Variants in CSMD1 observed in about 807,000 individuals in gnomAD.
CSMD1 encodes the protein CUB and sushi domain-containing protein 1.
A neutral mutation model predicts 417.5 loss-of-function variants in CSMD1; 213 were observed. The observed-to-expected ratio is 0.51, with a 90% CI of 0.46 to 0.57. CSMD1 has a LOEUF of 0.57. CSMD1 is among the 20% of genes least tolerant of loss of function. CSMD1 has a pLI of 0.00. For synonymous variants in CSMD1, 2,862 were observed against 1,736.8 expected (o/e 1.65, Z -16.11); for missense variants, 6,923 against 4,529.7 (o/e 1.53, Z -15.17).
intron 8 of CSMD1, among the ~76,000 whole-genome samples, chr8:3,590,467 G>T (rs760911676): frequency 6.6e-6 from 1 of 152,142 alleles, no homozygotes; most frequent in East Asian, 1.9e-4. Context: ...GACTAGTTCA[G>T]TGGAGAGCGG....
rs576105536 is a variant in CSMD1, at chr8:4,662,935, G to C, written c.86-25377C>G. ...AGAGAGAAAGAAAAAGGAAAGAAAG[G>C]CTAAAGAGGTTACTCTTAAGGAATG... On this transcript the variant is annotated intron_variant, in intron 1 of 69. Transcript: ENST00000635120. Among the ~76,000 whole-genome samples the C allele has an allele frequency of 1.9e-4, 29 of 152,314 alleles. No individual in the cohort carries two copies. The South Asian group carries it at 5.8e-3, about 30-fold the overall frequency.
At chr8:4,491,971 C>T (rs1452498704) in intron 2 of CSMD1, among the ~76,000 whole-genome samples, 1 of 148,006 alleles carries the variant, frequency 6.8e-6, no homozygotes, top group Non-Finnish European at 1.5e-5. Flanking sequence ...GTAACCAAGA[C>T]ATTCATTAAT....
intron 3 of CSMD1, among the ~76,000 whole-genome samples, chr8:4,100,477 T>C (rs527848198): frequency 2.0e-5 from 3 of 152,310 alleles, no homozygotes; most frequent in South Asian, 2.1e-4. Flanking sequence ...GCTTAACTTT[T>C]CTAAGCCTTA....
chr8:3,953,705 G>C (rs1056660210), intron 5 of CSMD1, among the ~76,000 whole-genome samples: 5 of 152,138 alleles, frequency 3.3e-5, no homozygotes, highest in Admixed American at 1.3e-4. Flanking sequence ...GGGGTGGATA[G>C]GCACGGGGAC....
At chr8:4,656,577 G>C (rs1436555513) in intron 1 of CSMD1, among the ~76,000 whole-genome samples, 2 of 151,592 alleles carry the variant, frequency 1.3e-5, no homozygotes, top group Admixed American at 6.6e-5. Context: ...TACGATTGTT[G>C]TGAATAGAAA....
intron 10 of CSMD1, among the ~76,000 whole-genome samples, chr8:3,556,715 A>T (rs1477881114): frequency 6.6e-6 from 1 of 151,966 alleles, no homozygotes; most frequent in Non-Finnish European, 1.5e-5. Flanking sequence ...AGTATGACTT[A>T]ACATTTAACT....
intron 2 of CSMD1, among the ~76,000 whole-genome samples, chr8:4,460,856 T>G (rs746500913): frequency 2.3e-4 from 35 of 152,170 alleles, no homozygotes; most frequent in Admixed American, 1.3e-4. Context: ...GAGAGTAGAA[T>G]TATTGTCAGT....
At chr8:4,070,023 T>C (rs1467929639) in intron 3 of CSMD1, among the ~76,000 whole-genome samples, 1 of 152,194 alleles carries the variant, frequency 6.6e-6, no homozygotes, top group Non-Finnish European at 1.5e-5. Context: ...TAAGAATTTT[T>C]TTTAATTAAC....
chr8:2,944,709 G>C (rs950549570), intron 68 of CSMD1, among the ~76,000 whole-genome samples: 29 of 151,938 alleles, frequency 1.9e-4, no homozygotes, highest in African/African-American at 7.0e-4. Context: ...AAAAAGTTTT[G>C]TCTGTATAGC....
intron 12 of CSMD1, among the ~76,000 whole-genome samples, chr8:3,449,050 G>T (rs562932142): frequency 1.3e-5 from 2 of 152,296 alleles, no homozygotes; most frequent in East Asian, 3.9e-4. Context: ...AAAGGAAATG[G>T]GAAAGGATCA....
At chr8:3,153,472 G>C (rs1819326128) in intron 39 of CSMD1, among the ~76,000 whole-genome samples, 1 of 152,166 alleles carries the variant, frequency 6.6e-6, no homozygotes, top group African/African-American at 2.4e-5. Flanking sequence ...CTCTCCTGGG[G>C]TGTGGATCAC....
chr8:3,270,118 T>G lies in CSMD1; in HGVS notation c.4153+14026A>C, dbSNP rs1272488690. ...AGGGCGAAGTACAGTGGCACTGTCT[T>G]GGCCCACTGCAACCTCTGCCTCCCG... On this transcript the variant is annotated intron_variant, in intron 26 of 69. Coordinates refer to ENST00000635120, the MANE Select transcript of CSMD1 (RefSeq NM_033225.6). Among the ~76,000 whole-genome samples the G allele has an allele frequency of 2.2e-5, 3 of 134,866 alleles. No homozygotes were observed. The East Asian group carries it at 6.7e-4, about 30-fold the overall frequency. The allele number at this position is 134,866 out of a possible 152,430, so 88.5% of individuals were successfully genotyped here.
intron 1 of CSMD1, among the ~76,000 whole-genome samples, chr8:4,658,857 G>A (rs927154829): frequency 1.3e-5 from 2 of 152,128 alleles, no homozygotes; most frequent in Non-Finnish European, 2.9e-5. Context: ...AACATGGTCT[G>A]GGGTTGGGAG....
chr8:3,062,931 C>A (rs560075203), intron 49 of CSMD1, among the ~76,000 whole-genome samples: 26 of 151,798 alleles, frequency 1.7e-4, no homozygotes, highest in Non-Finnish European at 2.8e-4. Context: ...GTCTTTTTTT[C>A]GGAATATAAA....
chr8:3,596,818 A>C (rs144568738), intron 8 of CSMD1, among the ~76,000 whole-genome samples: 1 of 152,158 alleles, frequency 6.6e-6, no homozygotes, highest in African/African-American at 2.4e-5. Flanking sequence ...GCATACCAGT[A>C]ATCACATGAG....
In CSMD1 at chr8:2,938,571, TG is replaced by T; in HGVS notation, c.*13del. Reference sequence around the variant, plus strand: ...AGGTATGGCTATGAATCAGTCCTGTTGGGGCACTGAGGGCTATACCACTGTA... The same window carrying T: ...AGGTATGGCTATGAATCAGTCCTGTTGGGCACTGAGGGCTATACCACTGTA... On this transcript the variant is annotated 3_prime_UTR_variant, in exon 70 of 70. Transcript: ENST00000635120. The T allele has an allele frequency of 6.2e-7, 1 of 1,607,858 alleles. No homozygotes were observed. Among genetic ancestry groups the T allele is most frequent in the East Asian group, 2.2e-5 (1 of 44,746 alleles).
At chr8:3,781,292 A>G (rs1346465351) in intron 5 of CSMD1, among the ~76,000 whole-genome samples, 3 of 152,176 alleles carry the variant, frequency 2.0e-5, no homozygotes, top group African/African-American at 7.2e-5. Flanking sequence ...ATATGGTATG[A>G]ATATACAATA....
chr8:4,940,073 G>T (rs79850568), intron 1 of CSMD1, among the ~76,000 whole-genome samples: 35,589 of 151,948 alleles, frequency 0.23, 4,304 homozygotes, highest in East Asian at 0.38. Flanking sequence ...AGGAGAACCG[G>T]GCAGAAAAGT....
At chr8:4,340,386 C>G (rs1800406716) in intron 3 of CSMD1, among the ~76,000 whole-genome samples, 2 of 152,054 alleles carry the variant, frequency 1.3e-5, no homozygotes, top group Non-Finnish European at 2.9e-5. Flanking sequence ...AAATAACACT[C>G]TTGACATGAG....
Sources: allele counts gnomAD v4.1 joint callset (sites outside exome capture counted in the v4.1 genomes callset), GRCh38; gene constraint gnomAD v4.1.1; transcripts MANE v1.5; gene names NCBI Gene and HGNC (gene_info 2026-07-23, HGNC 2026-07-21).